Variants in SLC4A8 observed in about 807,000 individuals in gnomAD.
The protein encoded by SLC4A8 is solute carrier family 4 member 8.
Under a neutral mutation model 125.0 loss-of-function variants are expected in SLC4A8, and 40 were observed. The observed-to-expected ratio is 0.32, with a 90% confidence interval of 0.25 to 0.42. SLC4A8 has a LOEUF of 0.42. Among genes scored for constraint, SLC4A8 ranks in the 10% least tolerant of loss-of-function variants. SLC4A8 has a pLI of 1.00. For synonymous variants in SLC4A8, 456 were observed against 476.0 expected (o/e 0.96, Z 0.55); for missense variants, 863 against 1,355.1 (o/e 0.64, Z 5.70).
upstream of SLC4A8, among the ~76,000 whole-genome samples, chr12:51,424,058 AAAAACAAC>A (rs1948873032): frequency 3.7e-5 from 2 of 54,132 alleles, no homozygotes; most frequent in South Asian, 7.3e-4. Flanking sequence ...AAAAAACAAA[AAAAACAAC>A]AAAAAAAAAA....
intron 14 of SLC4A8, 127 bp from the exon 15 acceptor site, chr12:51,474,215 C>CGTA: frequency 3.6e-6 from 2 of 550,472 alleles, no homozygotes; most frequent in South Asian, 3.2e-5. Context: ...GCCTCAGCTC[C>CGTA]TCAGGTCTGA....
rs753146267 is a variant in SLC4A8, at chr12:51,396,925, A to ATTTTT, written c.-112+5455_-112+5459dup. Among the ~76,000 whole-genome samples, 705 of 106,262 alleles carry ATTTTT rather than the reference A, an allele frequency of 6.6e-3. 12 individuals carry two copies. The highest frequency in any genetic ancestry group is 7.4e-3 in the Non-Finnish European group (412 of 56,046). The allele number at this position is 106,262 out of a possible 152,430, so 69.7% of individuals were successfully genotyped here. A position where few individuals can be genotyped will look rare whatever the true frequency, so the allele number is the denominator to read the frequency against. ...TATGATTTTACTTCAGCCTTAGTTA[A>ATTTTT]TTTTTTTTTTTTTTTTTTTTTTGAG... On this transcript the variant is annotated intron_variant, in intron 1 of 24. Transcript: ENST00000358657.
chr12:51,470,574 C>T (rs775127839), intron 13 of SLC4A8, 49 bp downstream of exon 13: 2 of 1,547,864 alleles, frequency 1.3e-6, no homozygotes, highest in South Asian at 1.1e-5. Flanking sequence ...AGTGATTATG[C>T]TGCCAGGATT....
rs1239347389 is a variant in SLC4A8, at chr12:51,515,161, A to G, written c.*7723A>G. 5 of 152,254 alleles carry G rather than the reference A, an allele frequency of 3.3e-5. No homozygotes were observed. Among genetic ancestry groups the G allele is most frequent in the Non-Finnish European group, 7.3e-5 (5 of 68,048 alleles). The allele number at this position is 152,254 out of a possible 1,614,324, so 9.4% of individuals were successfully genotyped here. The stretch of plus-strand genomic sequence containing the variant: ...TAGCAGGTTTGCAATTGACTTCAAC[A>G]TGCAGGCTTTTCACATGTGCAATAA... On this transcript the variant is annotated 3_prime_UTR_variant, in exon 25 of 25. Coordinates refer to ENST00000453097, the MANE Select transcript of SLC4A8 (RefSeq NM_001039960.3).
intron 22 of SLC4A8, among the ~76,000 whole-genome samples, chr12:51,498,212 A>G (rs1937657567): frequency 6.6e-6 from 1 of 152,188 alleles, no homozygotes; most frequent in South Asian, 2.1e-4. Flanking sequence ...GCTTTCAGGC[A>G]TCCAAAACTC....
At chr12:51,455,622 G>A (rs1298674873) in intron 5 of SLC4A8, among the ~76,000 whole-genome samples, 1 of 152,138 alleles carries the variant, frequency 6.6e-6, no homozygotes, top group Non-Finnish European at 1.5e-5. Context: ...ATGCATGGGG[G>A]AGTTTTCTCT....
intron 1 of SLC4A8, among the ~76,000 whole-genome samples, chr12:51,426,815 G>C (rs1376563993): frequency 6.6e-6 from 1 of 152,058 alleles, no homozygotes; most frequent in African/African-American, 2.4e-5. Context: ...GGAACAAGGG[G>C]AAGCCACTGA....
intron 18 of SLC4A8, 47 bp from the exon 19 acceptor site, chr12:51,489,653 A>G: frequency 1.2e-6 from 2 of 1,609,576 alleles, no homozygotes; most frequent in Non-Finnish European, 8.5e-7. Context: ...TCTATGCCCT[A>G]CTACAGCTAG....
At chr12:51,421,541 C>A (rs888661293), upstream of SLC4A8, among the ~76,000 whole-genome samples, 6 of 152,140 alleles carry the variant, frequency 3.9e-5, no homozygotes, top group Non-Finnish European at 7.4e-5. Flanking sequence ...ATCCACCAGT[C>A]CTCCCAGGAA....
intron 1 of SLC4A8, among the ~76,000 whole-genome samples, chr12:51,429,786 G>C (rs1949125823): frequency 6.6e-6 from 1 of 151,914 alleles, no homozygotes; most frequent in South Asian, 2.1e-4. Flanking sequence ...TGGGATTATA[G>C]GCATGACCAC....
At chr12:51,400,726 TTATATATATATATATATATATATATATA>T (rs869058430) in intron 1 of SLC4A8, among the ~76,000 whole-genome samples, 15 of 41,884 alleles carry the variant, frequency 3.6e-4, no homozygotes, top group Admixed American at 7.3e-4. Context: ...ATGAACTCCT[TTATATATATATATATATATATATATATA>T]TATATATATA....
At chr12:51,414,402 C>A (rs1406470233) in intron 1 of SLC4A8, among the ~76,000 whole-genome samples, 6 of 152,020 alleles carry the variant, frequency 3.9e-5, no homozygotes, top group Non-Finnish European at 8.8e-5. Context: ...AATCTGAATG[C>A]CTTTTATTTG....
chr12:51,421,086 T>A (rs7965476), upstream of SLC4A8, among the ~76,000 whole-genome samples: 124,056 of 152,168 alleles, frequency 0.82, 50,993 homozygotes, highest in Non-Finnish European at 0.87. Context: ...TCTTGTCCAC[T>A]TTATGCCTCT....
chr12:51,477,845 A>G (rs7970949), intron 16 of SLC4A8, among the ~76,000 whole-genome samples: 83,834 of 152,042 alleles, frequency 0.55, 23,345 homozygotes, highest in African/African-American at 0.62. Flanking sequence ...AATTTCAGAT[A>G]TGGCCAGGCA....
intron 19 of SLC4A8, among the ~76,000 whole-genome samples, chr12:51,490,960 G>A (rs1270428338): frequency 3.9e-5 from 6 of 152,182 alleles, no homozygotes; most frequent in Non-Finnish European, 8.8e-5. Flanking sequence ...TGGTAGCAGG[G>A]ACAGATAAAA....
At chr12:51,441,405 TCAGCTCTTCCTTTCTCTGCACCTCACCCC>T (rs767705663) in intron 2 of SLC4A8, among the ~76,000 whole-genome samples, 1 of 152,160 alleles carries the variant, frequency 6.6e-6, no homozygotes, top group Non-Finnish European at 1.5e-5. Context: ...TTACCTTATT[TCAGCTCTTCCTTTCTCTGCACCTCACCCC>T]CAGCTCCCCA....
chr12:51,407,086 G>T (rs943121200), intron 1 of SLC4A8, among the ~76,000 whole-genome samples: 7 of 152,186 alleles, frequency 4.6e-5, no homozygotes, highest in African/African-American at 1.7e-4. Context: ...TTTGGTGTCT[G>T]GTGAGGGCTG....
Position 51,424,839 on chromosome 12 carries a change from G to C in SLC4A8, c.-149G>C, listed in dbSNP as rs1948902571. The C allele has an allele frequency of 1.3e-6, 1 of 787,814 alleles. No homozygotes were observed. The highest frequency in any genetic ancestry group is 2.0e-6 in the Non-Finnish European group (1 of 496,926). 48.8% of individuals were successfully genotyped at this position (787,814 alleles called of 1,614,324 possible). A position where few individuals can be genotyped will look rare whatever the true frequency, so the allele number is the denominator to read the frequency against. On this transcript the variant is annotated 5_prime_UTR_variant, in exon 1 of 25. Transcript: ENST00000453097. ...GTTGCGGCGGATGCCTCGCGGGCCG[G>C]TGGCTATGGAGGCGGCGGCGGTTGA...
rs1950356300 is a variant in SLC4A8, at chr12:51,462,365, T to G, written c.1157T>G (p.Ile386Ser). The change falls in exon 10 of 25, where the codon ATT (isoleucine) becomes AGT (serine). Residue 386 changes from isoleucine to serine, a missense_variant. Coordinates refer to ENST00000453097, the MANE Select transcript of SLC4A8 (RefSeq NM_001039960.3). ...AKERDDLLAG[I>S]DEFLDQVTVL... Reference sequence around the variant, plus strand: ...GAGCGAGATGATCTCCTGGCGGGGATTGATGAGTTCCTAGACCAGGTGACG... The same window carrying G: ...GAGCGAGATGATCTCCTGGCGGGGAGTGATGAGTTCCTAGACCAGGTGACG... 6.2e-7 allele frequency: 1 copy of G among 1,613,654 alleles called. No homozygotes were observed. The highest frequency in any genetic ancestry group is 8.5e-7 in the Non-Finnish European group (1 of 1,179,816).
Sources: allele counts gnomAD v4.1 joint callset (sites outside exome capture counted in the v4.1 genomes callset), GRCh38; gene constraint gnomAD v4.1.1; transcripts MANE v1.5; gene names NCBI Gene and HGNC (gene_info 2026-07-23, HGNC 2026-07-21).